Variants in LRRC4C observed in about 807,000 individuals in gnomAD.
LRRC4C encodes leucine rich repeat containing 4C.
A neutral mutation model predicts 33.6 loss-of-function variants in LRRC4C; 5 were observed. The ratio of observed to expected loss-of-function variants is 0.15; its 90% confidence interval spans 0.08 to 0.31. The LOEUF (loss-of-function observed/expected upper bound fraction) is 0.31, where lower values mean the gene tolerates loss of function less well. LRRC4C is among the 10% of genes least tolerant of loss of function. LRRC4C has a pLI of 1.00. For synonymous variants in LRRC4C, 329 were observed against 302.0 expected (o/e 1.09, Z -0.93); for missense variants, 560 against 796.7 (o/e 0.70, Z 3.58).
Position 41,304,557 on chromosome 11 carries a change from C to A in LRRC4C, c.-496+154874G>T, listed in dbSNP as rs1227808254. On this transcript the variant is annotated intron_variant, in intron 1 of 6. Coordinates refer to ENST00000528697, the MANE Select transcript of LRRC4C (RefSeq NM_001258419.2). Reference sequence around the variant, plus strand: ...CAGCCCCCCGCCCGGCCAGCCGCCCCGTCTGGGAGGGAGGTGGGGGGGTCA... The same window carrying A: ...CAGCCCCCCGCCCGGCCAGCCGCCCAGTCTGGGAGGGAGGTGGGGGGGTCA... Among the ~76,000 whole-genome samples, 6 of 109,040 alleles carry A rather than the reference C, an allele frequency of 5.5e-5. No homozygotes were observed. The East Asian group carries it at 2.0e-3, about 36-fold the overall frequency. 71.5% of individuals were successfully genotyped at this position (109,040 alleles called of 152,430 possible). A position where few individuals can be genotyped will look rare whatever the true frequency, so the allele number is the denominator to read the frequency against.
At chr11:41,083,974 G>C (rs1939769564) in intron 1 of LRRC4C, among the ~76,000 whole-genome samples, 1 of 152,194 alleles carries the variant, frequency 6.6e-6, no homozygotes. Flanking sequence ...CAGAGACGAT[G>C]TCTCCTTTGC....
At chr11:40,123,886 C>G (rs1590431866) in intron 6 of LRRC4C, among the ~76,000 whole-genome samples, 1 of 152,100 alleles carries the variant, frequency 6.6e-6, no homozygotes, top group Admixed American at 6.6e-5. Flanking sequence ...GGCATAAAAG[C>G]AGACACATAC....
chr11:40,862,491 G>C (rs2135857870), intron 2 of LRRC4C, among the ~76,000 whole-genome samples: 1 of 152,292 alleles, frequency 6.6e-6, no homozygotes, highest in South Asian at 2.1e-4. Flanking sequence ...ATATGCTTCT[G>C]TGGTTTTTTA....
chr11:40,384,014 C>T (rs151149832), intron 3 of LRRC4C, among the ~76,000 whole-genome samples: 179 of 149,670 alleles, frequency 1.2e-3, no homozygotes, highest in African/African-American at 3.2e-3. Context: ...ATCAGATTTA[C>T]GGTTTCCAAA....
intron 3 of LRRC4C, among the ~76,000 whole-genome samples, chr11:40,369,307 T>C (rs1388579578): frequency 1.3e-5 from 2 of 152,196 alleles, no homozygotes; most frequent in Non-Finnish European, 2.9e-5. Context: ...TGTCCTCTTA[T>C]GATCCCATTT....
chr11:40,523,232 G>A (rs1324940644), intron 3 of LRRC4C, among the ~76,000 whole-genome samples: 3 of 152,070 alleles, frequency 2.0e-5, no homozygotes, highest in African/African-American at 7.2e-5. Flanking sequence ...TTTAATAGAT[G>A]TGAAGTAGTA....
intron 1 of LRRC4C, among the ~76,000 whole-genome samples, chr11:41,160,766 A>T (rs1248408207): frequency 6.6e-6 from 1 of 152,198 alleles, no homozygotes; most frequent in Non-Finnish European, 1.5e-5. Flanking sequence ...CTATTGTACA[A>T]TTTGCTTAGT....
intron 4 of LRRC4C, among the ~76,000 whole-genome samples, chr11:40,247,600 C>T (rs2136148772): frequency 6.6e-6 from 1 of 152,196 alleles, no homozygotes; most frequent in East Asian, 1.9e-4. Context: ...ATTCCCAGAG[C>T]CTACACTCCA....
At chr11:41,273,570 T>A (rs1372773163) in intron 1 of LRRC4C, among the ~76,000 whole-genome samples, 1 of 152,126 alleles carries the variant, frequency 6.6e-6, no homozygotes, top group African/African-American at 2.4e-5. Context: ...AAGAAAAGAA[T>A]GGTAATTTCC....
chr11:40,261,458 C>A (rs929000659), intron 4 of LRRC4C, among the ~76,000 whole-genome samples: 6 of 152,098 alleles, frequency 3.9e-5, no homozygotes, highest in African/African-American at 1.4e-4. Flanking sequence ...AAGAAAAGGG[C>A]ATTCTTCAGT....
chr11:40,702,036 C>G (rs1945884903), intron 2 of LRRC4C, among the ~76,000 whole-genome samples: 1 of 151,696 alleles, frequency 6.6e-6, no homozygotes, highest in African/African-American at 2.4e-5. Context: ...TATTCCATTT[C>G]AATAGTCATA....
intron 1 of LRRC4C, among the ~76,000 whole-genome samples, chr11:40,957,018 G>A (rs1958987972): frequency 6.6e-6 from 1 of 151,732 alleles, no homozygotes; most frequent in South Asian, 2.1e-4. Context: ...TGAAAATTCT[G>A]AGCACATCCA....
chr11:41,097,974 C>T (rs1012953793), intron 1 of LRRC4C, among the ~76,000 whole-genome samples: 4 of 151,834 alleles, frequency 2.6e-5, no homozygotes, highest in South Asian at 2.1e-4. Flanking sequence ...TGCTTTCCTC[C>T]GTCTGTGTCC....
intron 3 of LRRC4C, among the ~76,000 whole-genome samples, chr11:40,452,461 C>A (rs1173636524): frequency 6.6e-6 from 1 of 152,136 alleles, no homozygotes; most frequent in Non-Finnish European, 1.5e-5. Context: ...CAAAGAAATG[C>A]AAATCAAAAC....
chr11:41,334,968 T>G (rs1047137072), intron 1 of LRRC4C, among the ~76,000 whole-genome samples: 2 of 152,152 alleles, frequency 1.3e-5, no homozygotes, highest in African/African-American at 4.8e-5. Flanking sequence ...TAAATGCAAA[T>G]TTTTCAATCT....
chr11:40,419,086 A>G (rs749382582), intron 3 of LRRC4C, among the ~76,000 whole-genome samples: 4 of 152,118 alleles, frequency 2.6e-5, no homozygotes, highest in Non-Finnish European at 5.9e-5. Context: ...ACATTTACCT[A>G]TGTAACAAAC....
At chr11:40,376,928 T>C (rs2137307576) in intron 3 of LRRC4C, among the ~76,000 whole-genome samples, 1 of 152,260 alleles carries the variant, frequency 6.6e-6, no homozygotes. Context: ...GGCTTCCAAC[T>C]CATATATCAT....
intron 1 of LRRC4C, among the ~76,000 whole-genome samples, chr11:41,210,454 A>T (rs1946777230): frequency 6.6e-6 from 1 of 152,122 alleles, no homozygotes. Context: ...TCTTTCTGCC[A>T]TGATTGTGAG....
At chr11:41,385,492 T>A (rs1279673831) in intron 1 of LRRC4C, among the ~76,000 whole-genome samples, 2 of 151,520 alleles carry the variant, frequency 1.3e-5, no homozygotes, top group Non-Finnish European at 3.0e-5. Context: ...ATTTTTGATA[T>A]AAAAAACACA....
Sources: gnomAD v4.1 joint callset for allele counts (sites outside exome capture counted in the v4.1 genomes callset) on GRCh38, gnomAD v4.1.1 for gene constraint, MANE v1.5 for transcripts, NCBI Gene and HGNC (gene_info 2026-07-23, HGNC 2026-07-21) for gene names.